Variants in CNTN5 observed in about 807,000 individuals in gnomAD.
CNTN5 encodes the protein contactin 5.
In CNTN5, 77 loss-of-function variants were observed where a neutral mutation model predicts 129.1. The ratio of observed to expected loss-of-function variants is 0.60; its 90% confidence interval spans 0.50 to 0.72. The LOEUF is 0.72. Ranked by LOEUF, CNTN5 falls within the 30% of genes least tolerant of loss-of-function variation. CNTN5 has a pLI of 0.00. For synonymous variants in CNTN5, 509 were observed against 465.6 expected, an observed-to-expected ratio of 1.09 and a Z score of -1.20; for missense variants, 1,478 against 1,328.8, an observed-to-expected ratio of 1.11 and a Z score of -1.75.
At chr11:100,059,635 A>C (rs1943379601) in intron 9 of CNTN5, among the ~76,000 whole-genome samples, 1 of 152,200 alleles carries the variant, frequency 6.6e-6, no homozygotes, top group South Asian at 2.1e-4. Flanking sequence ...TTAAGCAATA[A>C]AATACCATTT....
chr11:99,951,539 G>A (rs1203467489), intron 7 of CNTN5, among the ~76,000 whole-genome samples: 1 of 151,848 alleles, frequency 6.6e-6, no homozygotes, highest in East Asian at 1.9e-4. Context: ...GCAAATAATT[G>A]GTCATCCATG....
chr11:100,298,243 ATC>A (rs1202465954), intron 19 of CNTN5, among the ~76,000 whole-genome samples: 1 of 151,424 alleles, frequency 6.6e-6, no homozygotes, highest in Non-Finnish European at 1.5e-5. Context: ...GTATACAGAG[ATC>A]TCTTTTTCCA....
rs914648250 is a variant in CNTN5 at position 100,306,534 on chromosome 11, A to G, written c.2621-1825A>G. On this transcript the variant is annotated intron_variant, in intron 20 of 24. Transcript: ENST00000524871. ...TAATGCATTTATTCTGAAGAGAAGTAAAACTGCTACGGAATAGCAAACGAT... is the reference window on the plus strand; with the variant it reads ...TAATGCATTTATTCTGAAGAGAAGTGAAACTGCTACGGAATAGCAAACGAT... 2.0e-5 allele frequency among the ~76,000 whole-genome samples: 3 copies of G among 151,724 alleles called. No individual in the cohort carries two copies. In the East Asian group the frequency reaches 5.8e-4, roughly 29 times the overall value.
intron 6 of CNTN5, among the ~76,000 whole-genome samples, chr11:99,862,902 T>G (rs1948252014): frequency 1.3e-5 from 2 of 152,124 alleles, no homozygotes; most frequent in South Asian, 4.1e-4. Flanking sequence ...ACATTAATGA[T>G]GATAAATTGT....
In CNTN5 at chr11:99,253,897, T is replaced by TTATATATATATA. The variant is rs67720359; in HGVS notation, c.-209-71433_-209-71422dup. Among the ~76,000 whole-genome samples, 1,230 of 138,944 alleles carry TTATATATATATA rather than the reference T, an allele frequency of 8.9e-3. 9 individuals are homozygous for TTATATATATATA. Among genetic ancestry groups the TTATATATATATA allele is most frequent in the East Asian group, 0.016 (73 of 4,700 alleles). The allele number at this position is 138,944 out of a possible 152,430, so 91.2% of individuals were successfully genotyped here. A position where few individuals can be genotyped will look rare whatever the true frequency, so the allele number is the denominator to read the frequency against. ...AAAATGTATTAACACAAATATACGT[T>TTATATATATATA]TATATATATATATATATATATATAT... On this transcript the variant is annotated intron_variant, in intron 1 of 24. Coordinates refer to ENST00000524871, the MANE Select transcript of CNTN5 (RefSeq NM_014361.4).
intron 3 of CNTN5, among the ~76,000 whole-genome samples, chr11:99,683,065 T>C (rs1258049955): frequency 6.6e-6 from 1 of 151,994 alleles, no homozygotes; most frequent in African/African-American, 2.4e-5. Flanking sequence ...AATTCCATGG[T>C]TGATTTCATG....
Position 99,760,482 on chromosome 11 carries a change from CTT to C in CNTN5, c.56-59060_56-59059del, listed in dbSNP as rs569770733. On this transcript the variant is annotated intron_variant, in intron 3 of 24. Transcript: ENST00000524871. Reference sequence around the variant, plus strand: ...TTACTAAAAATAATGGAATCATACACTTTGGGTGAATTTTTTGTTACGTTATA... The same window carrying C: ...TTACTAAAAATAATGGAATCATACACTGGGTGAATTTTTTGTTACGTTATA... Among the ~76,000 whole-genome samples the C allele has an allele frequency of 2.6e-5, 4 of 152,092 alleles. No individual in the cohort carries two copies. The South Asian group carries it at 8.3e-4, about 32-fold the overall frequency.
chr11:99,777,243 G>T (rs1035895399), intron 3 of CNTN5, among the ~76,000 whole-genome samples: 4 of 151,750 alleles, frequency 2.6e-5, no homozygotes. Context: ...AAGTTCACAT[G>T]TATCTTTTAA....
chr11:100,210,552 TA>T (rs1949010742), intron 15 of CNTN5, among the ~76,000 whole-genome samples: 1 of 104,452 alleles, frequency 9.6e-6, no homozygotes, highest in Non-Finnish European at 2.2e-5. Flanking sequence ...TATTTGAAGA[TA>T]AAAACAAAGA....
At chr11:99,644,941 A>T (rs1424384280) in intron 3 of CNTN5, among the ~76,000 whole-genome samples, 1 of 151,938 alleles carries the variant, frequency 6.6e-6, no homozygotes, top group Non-Finnish European at 1.5e-5. Context: ...TCCAAACTTT[A>T]ACATTAAGAA....
intron 3 of CNTN5, among the ~76,000 whole-genome samples, chr11:99,725,531 A>AT (rs1176695115): frequency 1.1e-4 from 11 of 98,532 alleles, no homozygotes; most frequent in African/African-American, 4.5e-4. Flanking sequence ...AATATTCAGC[A>AT]TTTTAATCTT....
chr11:99,419,702 G>A (rs1002883828), intron 2 of CNTN5, among the ~76,000 whole-genome samples: 2 of 152,158 alleles, frequency 1.3e-5, no homozygotes, highest in Admixed American at 6.5e-5. Flanking sequence ...GGAGTGGGGG[G>A]AGGGGTGTGG....
At position 99,335,644 on chromosome 11, in the gene CNTN5, T is replaced by A. The variant is rs186987751; in HGVS notation, c.-71+10160T>A. Among the ~76,000 whole-genome samples, 526 of 151,982 alleles carry A rather than the reference T, an allele frequency of 3.5e-3. 8 individuals carry two copies. Among genetic ancestry groups the A allele is most frequent in the South Asian group, 0.012 (57 of 4,790 alleles). On this transcript the variant is annotated intron_variant, in intron 2 of 24. Transcript: ENST00000524871. ...CTTCTTGTATATCTTCCCTCTGAGG[T>A]TTCATACAAAACATACCTCAGAATT...
intron 2 of CNTN5, among the ~76,000 whole-genome samples, chr11:99,492,109 G>T (rs1946059397): frequency 6.6e-6 from 1 of 152,092 alleles, no homozygotes; most frequent in African/African-American, 2.4e-5. Flanking sequence ...CATCTGTTGG[G>T]TTCACGCTAT....
chr11:99,221,741 C>G (rs1394833129), intron 1 of CNTN5, among the ~76,000 whole-genome samples: 1 of 151,840 alleles, frequency 6.6e-6, no homozygotes, highest in African/African-American at 2.4e-5. Flanking sequence ...TATTAATTTA[C>G]TCAGAGGAGT....
chr11:99,999,496 G>A (rs1379988242), intron 8 of CNTN5, among the ~76,000 whole-genome samples: 3 of 152,158 alleles, frequency 2.0e-5, no homozygotes, highest in Non-Finnish European at 2.9e-5. Context: ...TCATTAAAAA[G>A]TCAGGAAACA....
intron 6 of CNTN5, among the ~76,000 whole-genome samples, chr11:99,867,190 T>G (rs1311580667): frequency 6.6e-6 from 1 of 152,198 alleles, no homozygotes; most frequent in Non-Finnish European, 1.5e-5. Context: ...ATCACTGTTG[T>G]CCAGATTTAA....
At chr11:99,314,126 T>C (rs1468275497) in intron 1 of CNTN5, among the ~76,000 whole-genome samples, 1 of 150,326 alleles carries the variant, frequency 6.7e-6, no homozygotes, top group Non-Finnish European at 1.5e-5. Context: ...AAATATTAAT[T>C]AATATAATAA....
At chr11:99,944,193 T>G (rs1303101757) in intron 7 of CNTN5, among the ~76,000 whole-genome samples, 2 of 152,024 alleles carry the variant, frequency 1.3e-5, no homozygotes, top group East Asian at 3.9e-4. Context: ...AGAGGGAAAT[T>G]TATAGCACTA....
Sources: allele counts gnomAD v4.1 joint callset (sites outside exome capture counted in the v4.1 genomes callset), GRCh38; gene constraint gnomAD v4.1.1; transcripts MANE v1.5; gene names NCBI Gene and HGNC (gene_info 2026-07-23, HGNC 2026-07-21).